The following DYM variants were observed in gnomAD, a reference collection of about 807,000 sequenced individuals.
DYM encodes dymeclin.
Under a neutral mutation model 93.1 loss-of-function variants are expected in DYM, and 78 were observed. The ratio of observed to expected loss-of-function variants is 0.84; its 90% CI spans 0.70 to 1.01. The LOEUF (loss-of-function observed/expected upper bound fraction) is 1.01. Among genes scored for constraint, DYM ranks in the 50% least tolerant of loss-of-function variants. The pLI is 0.00. For missense variants in DYM, 789 were observed against 845.0 expected (o/e 0.93, Z 0.82); for synonymous variants, 321 against 319.7 (o/e 1.00, Z -0.04).
chr18:49,322,487 C>T (rs989363889), intron 8 of DYM, among the ~76,000 whole-genome samples: 5 of 151,708 alleles, frequency 3.3e-5, no homozygotes, highest in Non-Finnish European at 5.9e-5. Flanking sequence ...GTGGTAAGGA[C>T]AGAATCAAAT....
chr18:49,198,746 G>A (rs1241791490), intron 14 of DYM, among the ~76,000 whole-genome samples: 5 of 151,770 alleles, frequency 3.3e-5, no homozygotes, highest in African/African-American at 1.2e-4. Context: ...TGGAGAGGAT[G>A]TGGAGAAATA....
At chr18:49,135,177 G>GA (rs1183231413) in intron 15 of DYM, among the ~76,000 whole-genome samples, 2 of 151,998 alleles carry the variant, frequency 1.3e-5, no homozygotes, top group African/African-American at 2.4e-5. Flanking sequence ...TTAAAAAAGA[G>GA]AAAAAATGAC....
In DYM at chr18:49,046,502, C is replaced by T. The variant is rs550856328; in HGVS notation, c.2026-2298G>A. 2.5e-3 allele frequency among the ~76,000 whole-genome samples: 381 copies of T among 150,998 alleles called. 10 individuals carry two copies. Among genetic ancestry groups the T allele is most frequent in the Admixed American group, 0.022 (335 of 15,220 alleles). On this transcript the variant is annotated intron_variant, in intron 17 of 17. Coordinates refer to ENST00000675505, the MANE Select transcript of DYM (RefSeq NM_001353214.3). ...ACACAGACACACACACAGACATACA[C>T]AGACATGCACATACAGACACACACA...
At chr18:49,126,510 C>T (rs1276748329) in intron 15 of DYM, 2 of 152,032 alleles carry the variant, frequency 1.3e-5, no homozygotes, top group Non-Finnish European at 2.9e-5. Context: ...GTTATAATCA[C>T]CACTTGTAAA....
intron 2 of DYM, among the ~76,000 whole-genome samples, chr18:49,401,467 C>T (rs922533440): frequency 1.1e-4 from 17 of 152,262 alleles, no homozygotes; most frequent in Non-Finnish European, 2.2e-4. Flanking sequence ...TATTTTGATA[C>T]ATGTACACAC....
chr18:49,204,727 C>G (rs565522240), intron 14 of DYM, among the ~76,000 whole-genome samples: 2 of 152,142 alleles, frequency 1.3e-5, no homozygotes, highest in African/African-American at 2.4e-5. Flanking sequence ...AACCTCAACT[C>G]GCTACTGAAG....
chr18:49,117,885 G>A (rs2082043712), intron 16 of DYM, among the ~76,000 whole-genome samples: 1 of 152,104 alleles, frequency 6.6e-6, no homozygotes, highest in African/African-American at 2.4e-5. Flanking sequence ...AGCAGAGATG[G>A]GGTTGGTTTC....
chr18:49,045,254 C>T (rs2071328710), intron 17 of DYM, among the ~76,000 whole-genome samples: 1 of 152,198 alleles, frequency 6.6e-6, no homozygotes, highest in African/African-American at 2.4e-5. Flanking sequence ...GCATCCACAG[C>T]CACACTTATT....
At chr18:49,425,075 C>T (rs941616264) in intron 2 of DYM, among the ~76,000 whole-genome samples, 6 of 152,156 alleles carry the variant, frequency 3.9e-5, no homozygotes, top group East Asian at 1.9e-4. Context: ...AAAAAGAGCC[C>T]GCATTGCCAA....
intron 17 of DYM, among the ~76,000 whole-genome samples, chr18:49,086,492 G>GA (rs1216658051): frequency 6.6e-6 from 1 of 152,184 alleles, no homozygotes; most frequent in Admixed American, 6.5e-5. Context: ...CTGCACTGGG[G>GA]AATTAAGTCT....
At chr18:49,377,893 G>A (rs745547540) in intron 5 of DYM, among the ~76,000 whole-genome samples, 13 of 152,156 alleles carry the variant, frequency 8.5e-5, no homozygotes, top group Non-Finnish European at 1.9e-4. Flanking sequence ...CACAAGAGAT[G>A]TTAACATATG....
intron 15 of DYM, among the ~76,000 whole-genome samples, chr18:49,140,653 G>T (rs770808498): frequency 4.6e-5 from 7 of 152,150 alleles, no homozygotes; most frequent in Non-Finnish European, 1.0e-4. Flanking sequence ...TTTTAAACAA[G>T]TTTATCTATT....
At chr18:49,376,527 C>G (rs1249931239) in intron 5 of DYM, among the ~76,000 whole-genome samples, 1 of 152,220 alleles carries the variant, frequency 6.6e-6, no homozygotes, top group East Asian at 1.9e-4. Flanking sequence ...ATTTAGTCTA[C>G]AAACTTCTGA....
At chr18:49,105,992 A>G (rs1319899265) in intron 16 of DYM, among the ~76,000 whole-genome samples, 2 of 152,112 alleles carry the variant, frequency 1.3e-5, no homozygotes, top group African/African-American at 2.4e-5. Flanking sequence ...TGATCTGTCT[A>G]ATGTTGACAG....
intron 15 of DYM, among the ~76,000 whole-genome samples, chr18:49,128,698 T>A (rs2083076551): frequency 6.6e-6 from 1 of 152,222 alleles, no homozygotes; most frequent in African/African-American, 2.4e-5. Flanking sequence ...AAGTAAATTT[T>A]ATTAATATAA....
At chr18:49,320,122 A>C (rs2062350770) in intron 8 of DYM, among the ~76,000 whole-genome samples, 2 of 152,222 alleles carry the variant, frequency 1.3e-5, no homozygotes, top group Admixed American at 6.5e-5. Context: ...GTCAGGTCTG[A>C]TCAGACCCCA....
intron 7 of DYM, among the ~76,000 whole-genome samples, chr18:49,332,522 T>C (rs1401767019): frequency 6.6e-6 from 1 of 152,082 alleles, no homozygotes; most frequent in Non-Finnish European, 1.5e-5. Context: ...AAAGAATCAG[T>C]AGAAAAAAGC....
chr18:49,108,613 C>T (rs2081101176), intron 16 of DYM, among the ~76,000 whole-genome samples: 1 of 152,244 alleles, frequency 6.6e-6, no homozygotes, highest in Non-Finnish European at 1.5e-5. Context: ...TAGGTGATCT[C>T]ATCTCATTTA....
intron 8 of DYM, among the ~76,000 whole-genome samples, chr18:49,318,555 G>A (rs1158921768): frequency 5.9e-5 from 9 of 152,082 alleles, no homozygotes; most frequent in Non-Finnish European, 8.8e-5. Context: ...CAGGGAGTCA[G>A]AGGTTGTAGT....
Sources: gnomAD v4.1 joint callset for allele counts (sites outside exome capture counted in the v4.1 genomes callset) on GRCh38, gnomAD v4.1.1 for gene constraint, MANE v1.5 for transcripts, NCBI Gene and HGNC (gene_info 2026-07-23, HGNC 2026-07-21) for gene names.